Variants in MYO3B observed in about 807,000 individuals in gnomAD.
MYO3B encodes myosin IIIB.
MYO3B carries 156 observed loss-of-function variants against 174.6 expected under a neutral mutation model. The observed-to-expected ratio is 0.89, with a 90% CI of 0.78 to 1.02. The LOEUF is 1.02. MYO3B is among the 50% of genes least tolerant of loss of function. MYO3B has a pLI of 0.00. For missense variants in MYO3B, 1,632 were observed against 1,639.4 expected (o/e 1.00, Z 0.08); for synonymous variants, 563 against 569.1 (o/e 0.99, Z 0.15).
chr2:170,319,500 A>G (rs1231282888), intron 7 of MYO3B, among the ~76,000 whole-genome samples: 1 of 152,220 alleles, frequency 6.6e-6, no homozygotes, highest in African/African-American at 2.4e-5. Flanking sequence ...GGAAAAAAAG[A>G]CATTGAAGAA....
chr2:170,400,027 C>T lies in MYO3B; in HGVS notation c.1792-161C>T, dbSNP rs187963298. Among the ~76,000 whole-genome samples the T allele has an allele frequency of 8.5e-5, 13 of 152,168 alleles. No homozygotes were observed. The East Asian group carries it at 1.4e-3, about 16-fold the overall frequency. The stretch of plus-strand genomic sequence containing the variant: ...TCATTGTTAAAATGTAGTTATATGA[C>T]GACCTCTAACTGCAAAGAAGTTTGG... On this transcript the variant is annotated intron_variant, in intron 16 of 34. Transcript: ENST00000408978.
At chr2:170,598,298 G>A (rs902923504) in intron 32 of MYO3B, among the ~76,000 whole-genome samples, 5 of 152,118 alleles carry the variant, frequency 3.3e-5, no homozygotes, top group South Asian at 2.1e-4. Context: ...TGCTTCAGCC[G>A]GCTGTTCCTG....
chr2:170,408,101 C>T (rs1223989207), intron 22 of MYO3B, among the ~76,000 whole-genome samples: 1 of 152,220 alleles, frequency 6.6e-6, no homozygotes, highest in East Asian at 1.9e-4. Context: ...AACTCTTAGA[C>T]TTTCTTGTCC....
intron 28 of MYO3B, among the ~76,000 whole-genome samples, chr2:170,503,353 A>T: frequency 6.6e-6 from 1 of 152,116 alleles, no homozygotes; most frequent in East Asian, 1.9e-4. Context: ...GGATCAGGAT[A>T]GTAATAATTG....
intron 32 of MYO3B, among the ~76,000 whole-genome samples, chr2:170,610,843 T>C (rs552443203): frequency 6.6e-6 from 1 of 152,370 alleles, no homozygotes; most frequent in Non-Finnish European, 1.5e-5. Flanking sequence ...TGATGTGAGA[T>C]GCTTGTTCTA....
At chr2:170,411,410 A>C (rs1207535823) in intron 22 of MYO3B, among the ~76,000 whole-genome samples, 1 of 152,248 alleles carries the variant, frequency 6.6e-6, no homozygotes, top group Non-Finnish European at 1.5e-5. Context: ...AAACCTGTAC[A>C]GTATGTTACT....
chr2:170,478,654 C>T (rs1301830765), intron 25 of MYO3B, among the ~76,000 whole-genome samples: 4 of 150,684 alleles, frequency 2.7e-5, no homozygotes, highest in South Asian at 2.1e-4. Flanking sequence ...CTACAACCTC[C>T]GCCTCCCAGG....
intron 7 of MYO3B, among the ~76,000 whole-genome samples, chr2:170,276,462 A>G (rs1303784959): frequency 1.3e-5 from 2 of 152,232 alleles, no homozygotes; most frequent in East Asian, 3.8e-4. Flanking sequence ...TTTATATAGT[A>G]TACAAACCCT....
chr2:170,401,290 G>A lies in MYO3B; in HGVS notation c.1919-191G>A, dbSNP rs544051742. On this transcript the variant is annotated intron_variant, in intron 17 of 34. Coordinates refer to ENST00000408978, the MANE Select transcript of MYO3B (RefSeq NM_138995.5). ...TTCATCAAGCATCTATGAAGTAAGA[G>A]CTTTCAGAACAGTTTGGGAGATACT... Among the ~76,000 whole-genome samples, 83 of 152,164 alleles carry A rather than the reference G, an allele frequency of 5.5e-4. 1 individual carries two copies. Among genetic ancestry groups the A allele is most frequent in the African/African-American group, 1.9e-3 (77 of 41,508 alleles).
chr2:170,266,116 T>C (rs890513798), intron 7 of MYO3B, among the ~76,000 whole-genome samples: 1 of 152,148 alleles, frequency 6.6e-6, no homozygotes, highest in Admixed American at 6.5e-5. Context: ...ATGATTTTTA[T>C]GGTAAATCCA....
At chr2:170,339,426 T>C (rs1488061399) in intron 8 of MYO3B, among the ~76,000 whole-genome samples, 1 of 150,420 alleles carries the variant, frequency 6.6e-6, no homozygotes, top group African/African-American at 2.4e-5. Context: ...TGCTGGTCAC[T>C]ACCCACCAAA....
At chr2:170,339,588 G>A (rs2093965396) in intron 8 of MYO3B, among the ~76,000 whole-genome samples, 1 of 152,178 alleles carries the variant, frequency 6.6e-6, no homozygotes. Flanking sequence ...AGGAGCACTG[G>A]GGATGTGGCT....
chr2:170,241,872 A>G (rs1003264230), intron 7 of MYO3B, among the ~76,000 whole-genome samples: 3 of 151,958 alleles, frequency 2.0e-5, no homozygotes, highest in Non-Finnish European at 4.4e-5. Flanking sequence ...TAATTCACAA[A>G]CCAAATTGTT....
At chr2:170,546,141 T>A (rs1022533308) in intron 32 of MYO3B, among the ~76,000 whole-genome samples, 1 of 152,218 alleles carries the variant, frequency 6.6e-6, no homozygotes, top group African/African-American at 2.4e-5. Flanking sequence ...CTTCCTCGTT[T>A]ACTTTTCAAA....
intron 13 of MYO3B, 32 bp from the exon 14 acceptor site, chr2:170,387,074 G>T: frequency 1.2e-6 from 2 of 1,609,672 alleles, no homozygotes; most frequent in Non-Finnish European, 1.7e-6. Context: ...TGTTTCTGGA[G>T]TCTCTTCTTG....
intron 3 of MYO3B, among the ~76,000 whole-genome samples, chr2:170,213,957 C>T (rs937647237): frequency 5.3e-5 from 8 of 152,104 alleles, no homozygotes; most frequent in Non-Finnish European, 1.0e-4. Flanking sequence ...TTGCCTCTCC[C>T]GGTTTTTCCT....
chr2:170,191,367 C>T (rs2092538098), intron 1 of MYO3B, among the ~76,000 whole-genome samples: 1 of 152,068 alleles, frequency 6.6e-6, no homozygotes, highest in Non-Finnish European at 1.5e-5. Flanking sequence ...CCATCAAGTC[C>T]ACTGGCTTTG....
At chr2:170,204,399 G>A (rs1378307442) in intron 3 of MYO3B, among the ~76,000 whole-genome samples, 3 of 152,214 alleles carry the variant, frequency 2.0e-5, no homozygotes, top group Non-Finnish European at 4.4e-5. Flanking sequence ...AAAGCAGCAA[G>A]CTAGTATAGA....
chr2:170,387,146 A>T lies in MYO3B; in HGVS notation c.1415A>T (p.Asn472Ile). 1 of 1,614,014 alleles carries T rather than the reference A, an allele frequency of 6.2e-7. No individual in the cohort carries two copies. The highest frequency in any genetic ancestry group is 8.5e-7 in the Non-Finnish European group (1 of 1,179,932). ...QTLREKILQVNSLVEAFGNSC... is the reference protein window; with the variant it reads ...QTLREKILQVISLVEAFGNSC... ...TTGAGAGAGAAAATTCTACAAGTCAACTCCCTGGTGGAAGCCTTTGGGAAC... is the reference window on the plus strand; with the variant it reads ...TTGAGAGAGAAAATTCTACAAGTCATCTCCCTGGTGGAAGCCTTTGGGAAC... The change falls in exon 14 of 35, where the codon AAC (asparagine) becomes ATC (isoleucine). Residue 472 changes from asparagine to isoleucine, a missense_variant. Asn to Ile is a moderately radical substitution (Grantham distance 149). Coordinates refer to ENST00000408978, the MANE Select transcript of MYO3B (RefSeq NM_138995.5).
Sources: gnomAD v4.1 joint callset for allele counts (sites outside exome capture counted in the v4.1 genomes callset) on GRCh38, gnomAD v4.1.1 for gene constraint, MANE v1.5 for transcripts, NCBI Gene and HGNC (gene_info 2026-07-23, HGNC 2026-07-21) for gene names.